The following ST6GALNAC3 variants were observed in gnomAD, a reference collection of about 807,000 sequenced individuals.
The protein encoded by ST6GALNAC3 is alpha-N-acetylgalactosaminide alpha-2,6-sialyltransferase 3.
Under a neutral mutation model 32.7 loss-of-function variants are expected in ST6GALNAC3, and 25 were observed. The ratio of observed to expected loss-of-function variants is 0.76; its 90% CI spans 0.56 to 1.07. ST6GALNAC3 has a LOEUF of 1.07. Ranked by LOEUF, ST6GALNAC3 falls within the 50% of genes least tolerant of loss-of-function variation. The pLI is 0.00. For missense variants in ST6GALNAC3, 355 were observed against 382.4 expected, an observed-to-expected ratio of 0.93 and a Z score of 0.60; for synonymous variants, 129 against 133.1, an observed-to-expected ratio of 0.97 and a Z score of 0.21.
At chr1:76,587,087 C>T (rs1187403805) in intron 3 of ST6GALNAC3, among the ~76,000 whole-genome samples, 1 of 152,178 alleles carries the variant, frequency 6.6e-6, no homozygotes, top group Non-Finnish European at 1.5e-5. Context: ...ATATTCCAGA[C>T]ACCAGATATG....
chr1:76,494,205 A>C (rs1249498752), intron 3 of ST6GALNAC3, among the ~76,000 whole-genome samples: 7 of 151,632 alleles, frequency 4.6e-5, no homozygotes, highest in African/African-American at 1.7e-4. Context: ...TTCTTCCTAG[A>C]ATCCATATCA....
rs149279822 is a variant in ST6GALNAC3, at chr1:76,377,922, A to G, written c.214-34086A>G. ...CGCAGGGGTTGCAGGTTACAATGATATGGTGCCATTCCTCAGAATGAGAAG... is the reference window on the plus strand; with the variant it reads ...CGCAGGGGTTGCAGGTTACAATGATGTGGTGCCATTCCTCAGAATGAGAAG... On this transcript the variant is annotated intron_variant, in intron 2 of 4. Transcript: ENST00000328299. 4.1e-3 allele frequency among the ~76,000 whole-genome samples: 625 copies of G among 152,310 alleles called. 8 individuals are homozygous for G. The highest frequency in any genetic ancestry group is 0.014 in the African/African-American group (596 of 41,580).
chr1:76,265,719 G>A (rs141978408), intron 1 of ST6GALNAC3, among the ~76,000 whole-genome samples: 4 of 152,256 alleles, frequency 2.6e-5, no homozygotes, highest in African/African-American at 9.6e-5. Flanking sequence ...AGTAATACTT[G>A]CCTCATAGAG....
intron 3 of ST6GALNAC3, among the ~76,000 whole-genome samples, chr1:76,443,567 T>C (rs1314400242): frequency 6.6e-6 from 1 of 152,168 alleles, no homozygotes; most frequent in Non-Finnish European, 1.5e-5. Flanking sequence ...GCAGGGAACT[T>C]GTGGCCCTTT....
intron 2 of ST6GALNAC3, among the ~76,000 whole-genome samples, chr1:76,380,971 G>A (rs1651658918): frequency 1.3e-5 from 2 of 152,076 alleles, no homozygotes; most frequent in South Asian, 2.1e-4. Context: ...CACCATGGTA[G>A]TAGTTTTTAA....
At chr1:76,232,414 G>A (rs951239211) in intron 1 of ST6GALNAC3, among the ~76,000 whole-genome samples, 1 of 150,760 alleles carries the variant, frequency 6.6e-6, no homozygotes, top group Non-Finnish European at 1.5e-5. Flanking sequence ...GTCCAGATGG[G>A]CAAATTGGGT....
rs572614314 is a variant in ST6GALNAC3, at chr1:76,556,264, TATTA to T, written c.624-71180_624-71177del. 1.6e-3 allele frequency among the ~76,000 whole-genome samples: 239 copies of T among 152,318 alleles called. 2 individuals carry two copies. Among genetic ancestry groups the T allele is most frequent in the Middle Eastern group, 6.8e-3 (2 of 294 alleles). On this transcript the variant is annotated intron_variant, in intron 3 of 4. Coordinates refer to ENST00000328299, the MANE Select transcript of ST6GALNAC3 (RefSeq NM_152996.4). ...TCTATGGACATATACACATACATTT[TATTA>T]ATTAATTTATCAGTTCATGGACATT...
chr1:76,249,919 T>G (rs1194458295), intron 1 of ST6GALNAC3, among the ~76,000 whole-genome samples: 1 of 152,230 alleles, frequency 6.6e-6, no homozygotes, highest in Non-Finnish European at 1.5e-5. Flanking sequence ...TGAATGCATA[T>G]TCACATTCTT....
chr1:76,279,944 A>G (rs1420588088), intron 1 of ST6GALNAC3, among the ~76,000 whole-genome samples: 1 of 151,506 alleles, frequency 6.6e-6, no homozygotes, highest in Admixed American at 6.6e-5. Context: ...AGTTCGGGAG[A>G]AAGTGGGGTG....
At chr1:76,596,461 G>A (rs1475655846) in intron 3 of ST6GALNAC3, among the ~76,000 whole-genome samples, 1 of 152,188 alleles carries the variant, frequency 6.6e-6, no homozygotes, top group African/African-American at 2.4e-5. Context: ...GATATAAAGT[G>A]TAGTTTAGTA....
At chr1:76,363,376 A>G (rs1240652573) in intron 2 of ST6GALNAC3, among the ~76,000 whole-genome samples, 1 of 152,154 alleles carries the variant, frequency 6.6e-6, no homozygotes, top group African/African-American at 2.4e-5. Context: ...GTTCCCAATA[A>G]GTTCCTCATT....
At chr1:76,106,106 T>C (rs577577229) in intron 1 of ST6GALNAC3, among the ~76,000 whole-genome samples, 2 of 152,378 alleles carry the variant, frequency 1.3e-5, no homozygotes, top group Admixed American at 6.5e-5. Context: ...TCTTTTAGAA[T>C]TCATATGTAT....
chr1:76,536,654 CAAAAAAAAAAAAA>C (rs35157329), intron 3 of ST6GALNAC3, among the ~76,000 whole-genome samples: 1 of 57,616 alleles, frequency 1.7e-5, no homozygotes. Flanking sequence ...AAATGGAAAG[CAAAAAAAAAAAAA>C]AAAAAAAAAG....
intron 3 of ST6GALNAC3, among the ~76,000 whole-genome samples, chr1:76,438,010 T>A (rs1386700282): frequency 2.7e-5 from 4 of 149,054 alleles, no homozygotes; most frequent in African/African-American, 1.0e-4. Context: ...TCTCAATAAG[T>A]ATTTTGAAAA....
chr1:76,507,395 A>T (rs1661545035), intron 3 of ST6GALNAC3, among the ~76,000 whole-genome samples: 1 of 152,120 alleles, frequency 6.6e-6, no homozygotes, highest in Admixed American at 6.5e-5. Context: ...GGACACTTTC[A>T]CCACTCCAAA....
intron 1 of ST6GALNAC3, among the ~76,000 whole-genome samples, chr1:76,099,409 C>A (rs1408847139): frequency 6.6e-6 from 1 of 152,088 alleles, no homozygotes; most frequent in African/African-American, 2.4e-5. Context: ...GTGGTACATG[C>A]ATATATTCAT....
rs573600365 is a variant in ST6GALNAC3, at chr1:76,400,973, T to A, written c.214-11035T>A. On this transcript the variant is annotated intron_variant, in intron 2 of 4. Coordinates refer to ENST00000328299, the MANE Select transcript of ST6GALNAC3 (RefSeq NM_152996.4). ...ACCTCCTCTCAAGTTGTATGCTATT[T>A]TATAATTTTCATTATAAAATTTCCT... 4.5e-4 allele frequency among the ~76,000 whole-genome samples: 69 copies of A among 152,340 alleles called. 1 individual carries two copies. The highest frequency in any genetic ancestry group is 1.6e-3 in the African/African-American group (65 of 41,586).
intron 1 of ST6GALNAC3, among the ~76,000 whole-genome samples, chr1:76,112,757 C>A (rs1197328579): frequency 1.3e-5 from 2 of 150,412 alleles, no homozygotes; most frequent in East Asian, 2.0e-4. Flanking sequence ...AGGGCAGAGG[C>A]GCTCCCCACA....
chr1:76,177,544 C>T (rs756591769), intron 1 of ST6GALNAC3, among the ~76,000 whole-genome samples: 1 of 152,078 alleles, frequency 6.6e-6, no homozygotes, highest in Non-Finnish European at 1.5e-5. Context: ...TATGCAACTG[C>T]GCAGGAGAAG....
Sources: gnomAD v4.1 joint callset for allele counts (sites outside exome capture counted in the v4.1 genomes callset) on GRCh38, gnomAD v4.1.1 for gene constraint, MANE v1.5 for transcripts, NCBI Gene and HGNC (gene_info 2026-07-23, HGNC 2026-07-21) for gene names.